The following GPATCH2 variants were observed in gnomAD, a reference collection of about 807,000 sequenced individuals.
GPATCH2 encodes the protein G patch domain-containing protein 2.
GPATCH2 carries 51 observed loss-of-function variants against 58.0 expected under a neutral mutation model. The observed-to-expected ratio is 0.88, with a 90% CI of 0.70 to 1.11. The LOEUF (loss-of-function observed/expected upper bound fraction) is 1.11, where lower values mean the gene tolerates loss of function less well. Ranked by LOEUF, GPATCH2 falls within the 50% of genes most tolerant of loss-of-function variation. The probability of loss-of-function intolerance (pLI) is 0.00; values close to 1 mark genes in which losing one functional copy is unlikely to be tolerated. For synonymous variants in GPATCH2, 222 were observed against 218.5 expected (o/e 1.02, Z -0.14); for missense variants, 625 against 652.2 (o/e 0.96, Z 0.45).
chr1:217,478,316 G>A (rs955965781), intron 8 of GPATCH2, among the ~76,000 whole-genome samples: 7 of 152,008 alleles, frequency 4.6e-5, no homozygotes, highest in Admixed American at 1.3e-4. Flanking sequence ...AATAAGGCAC[G>A]AGGGACCATC....
At chr1:217,461,612 CT>C (rs1345406027) in intron 8 of GPATCH2, among the ~76,000 whole-genome samples, 1 of 152,048 alleles carries the variant, frequency 6.6e-6, no homozygotes, top group African/African-American at 2.4e-5. Flanking sequence ...GTTAACCAGT[CT>C]TTTTATTGTG....
chr1:217,445,526 C>T (rs1337692315), intron 9 of GPATCH2, among the ~76,000 whole-genome samples: 1 of 152,026 alleles, frequency 6.6e-6, no homozygotes, highest in East Asian at 1.9e-4. Flanking sequence ...ATTCTGCTGG[C>T]AAACCTTCTT....
At chr1:217,583,189 C>CA (rs1467825935) in intron 5 of GPATCH2, among the ~76,000 whole-genome samples, 3 of 151,554 alleles carry the variant, frequency 2.0e-5, no homozygotes. Flanking sequence ...GTGGCACACA[C>CA]AAAAAAACAA....
intron 5 of GPATCH2, among the ~76,000 whole-genome samples, chr1:217,567,599 GC>G (rs916932121): frequency 6.6e-6 from 1 of 152,200 alleles, no homozygotes; most frequent in Non-Finnish European, 1.5e-5. Flanking sequence ...CAGGAGAAAT[GC>G]CCATATGTAA....
intron 8 of GPATCH2, among the ~76,000 whole-genome samples, chr1:217,481,227 T>G (rs1159268899): frequency 6.6e-6 from 1 of 152,212 alleles, no homozygotes; most frequent in Non-Finnish European, 1.5e-5. Flanking sequence ...ATGTGATTAT[T>G]ATGCATTGCA....
chr1:217,563,126 C>T (rs1159891163), intron 5 of GPATCH2, among the ~76,000 whole-genome samples: 4 of 152,162 alleles, frequency 2.6e-5, no homozygotes, highest in Non-Finnish European at 5.9e-5. Flanking sequence ...ATATCCGTTC[C>T]TACTAGCCTA....
intron 5 of GPATCH2, among the ~76,000 whole-genome samples, chr1:217,556,954 T>C (rs1665663403): frequency 6.6e-6 from 1 of 152,248 alleles, no homozygotes; most frequent in African/African-American, 2.4e-5. Context: ...GTTGAACACA[T>C]ATCATGTTTA....
intron 5 of GPATCH2, among the ~76,000 whole-genome samples, chr1:217,571,932 G>T (rs1048369733): frequency 4.0e-5 from 5 of 125,064 alleles, no homozygotes; most frequent in Admixed American, 9.9e-5. Flanking sequence ...ACAGACAAAA[G>T]AAGAAAGAAA....
intron 6 of GPATCH2, among the ~76,000 whole-genome samples, chr1:217,503,680 G>T (rs930026069): frequency 3.3e-5 from 5 of 152,042 alleles, no homozygotes; most frequent in Non-Finnish European, 5.9e-5. Flanking sequence ...TAAGAAAATG[G>T]TATCATACCA....
At chr1:217,592,982 T>A (rs1667664036) in intron 5 of GPATCH2, among the ~76,000 whole-genome samples, 1 of 152,042 alleles carries the variant, frequency 6.6e-6, no homozygotes, top group African/African-American at 2.4e-5. Context: ...TCTAACAACC[T>A]CTTAAGTGCT....
intron 5 of GPATCH2, among the ~76,000 whole-genome samples, chr1:217,591,315 G>C (rs1667580885): frequency 6.6e-6 from 1 of 152,122 alleles, no homozygotes; most frequent in Non-Finnish European, 1.5e-5. Context: ...GTGTACGTGT[G>C]TGTGTGCGTA....
intron 5 of GPATCH2, among the ~76,000 whole-genome samples, chr1:217,552,611 A>G (rs973927791): frequency 6.6e-6 from 1 of 152,190 alleles, no homozygotes; most frequent in Admixed American, 6.6e-5. Flanking sequence ...TTCCAAAAAT[A>G]GGTTGAAACT....
chr1:217,549,065 G>A (rs1412919230), intron 5 of GPATCH2, among the ~76,000 whole-genome samples: 2 of 152,102 alleles, frequency 1.3e-5, no homozygotes, highest in Admixed American at 6.6e-5. Context: ...ACTGTTGCTT[G>A]TTCTTTTCCT....
chr1:217,547,892 G>C (rs1405559650), intron 5 of GPATCH2, among the ~76,000 whole-genome samples: 1 of 152,164 alleles, frequency 6.6e-6, no homozygotes, highest in African/African-American at 2.4e-5. Context: ...GGAAGTGATA[G>C]TGAGTTCTCA....
At chr1:217,567,247 C>T (rs1666295273) in intron 5 of GPATCH2, among the ~76,000 whole-genome samples, 1 of 151,996 alleles carries the variant, frequency 6.6e-6, no homozygotes, top group Admixed American at 6.6e-5. Flanking sequence ...GGTTTCTCCA[C>T]GTTGGTCAGA....
intron 6 of GPATCH2, among the ~76,000 whole-genome samples, chr1:217,509,718 G>A (rs145297364): frequency 6.6e-6 from 1 of 152,118 alleles, no homozygotes; most frequent in African/African-American, 2.4e-5. Flanking sequence ...ATCTTGAACC[G>A]AGAGCCTATG....
chr1:217,581,781 T>C (rs1034309753), intron 5 of GPATCH2, among the ~76,000 whole-genome samples: 2 of 152,022 alleles, frequency 1.3e-5, no homozygotes, highest in Non-Finnish European at 2.9e-5. Flanking sequence ...TGAAACCCCA[T>C]CTCTACTAAA....
rs559528067 is a variant in GPATCH2, at chr1:217,484,865, C to T, written c.1277+6815G>A. 1.5e-4 allele frequency among the ~76,000 whole-genome samples: 22 copies of T among 151,438 alleles called. No homozygotes were observed. The East Asian group carries it at 3.9e-3, about 27-fold the overall frequency. ...TATGAACTGAGTTTCTCTGAAGAAC[C>T]CTGCCTATAAATACACCAAAGTTGC... On this transcript the variant is annotated intron_variant, in intron 8 of 9. Transcript: ENST00000366935.
At chr1:217,565,630 G>A (rs1203830553) in intron 5 of GPATCH2, among the ~76,000 whole-genome samples, 2 of 152,180 alleles carry the variant, frequency 1.3e-5, no homozygotes, top group Admixed American at 1.3e-4. Context: ...TCCATGATGT[G>A]TGAGGTTTCT....
Sources: gnomAD v4.1 joint callset for allele counts (sites outside exome capture counted in the v4.1 genomes callset) on GRCh38, gnomAD v4.1.1 for gene constraint, MANE v1.5 for transcripts, NCBI Gene and HGNC (gene_info 2026-07-23, HGNC 2026-07-21) for gene names.